Variants in ENTREP2 observed in about 807,000 individuals in gnomAD.
ENTREP2 encodes the protein protein ENTREP2.
chr15:29,639,361 T>C, the ENTREP2 span, among the ~76,000 whole-genome samples: 7,135 of 152,282 alleles, frequency 0.047, 513 homozygotes, highest in African/African-American at 0.16. Context: ...TCTCTGTTTC[T>C]TGTCCTAAAA....
chr15:29,403,938 C>T, the ENTREP2 span, among the ~76,000 whole-genome samples: 7 of 152,192 alleles, frequency 4.6e-5, no homozygotes, highest in African/African-American at 7.2e-5. Context: ...CCTGGCTGGC[C>T]GCTGCAGGGC....
chr15:29,408,222 C>T, the ENTREP2 span, among the ~76,000 whole-genome samples: 1 of 152,104 alleles, frequency 6.6e-6, no homozygotes, highest in Admixed American at 6.6e-5. Context: ...CTGTTCTAGG[C>T]ACAGGGGATC....
chr15:29,165,223 G>A, the ENTREP2 span, among the ~76,000 whole-genome samples: 1 of 152,080 alleles, frequency 6.6e-6, no homozygotes, highest in Non-Finnish European at 1.5e-5. Context: ...CAAAAAGACT[G>A]AAAGGGCACA....
chr15:29,401,276 A>C, the ENTREP2 span, among the ~76,000 whole-genome samples: 1 of 152,248 alleles, frequency 6.6e-6, no homozygotes, highest in Non-Finnish European at 1.5e-5. Context: ...ATAATACATA[A>C]ACAGACAAAA....
At chr15:29,620,075 A>G in the ENTREP2 span, among the ~76,000 whole-genome samples, 1,549 of 152,196 alleles carry the variant, frequency 0.01, 45 homozygotes, top group African/African-American at 0.036. Flanking sequence ...ATCTCATGCA[A>G]ATGTGGGAAC....
At chr15:29,138,669 G>A in the ENTREP2 span, among the ~76,000 whole-genome samples, 2 of 148,058 alleles carry the variant, frequency 1.4e-5, no homozygotes, top group African/African-American at 2.6e-5. Flanking sequence ...GTAGATGTGT[G>A]TGTCTCTGTG....
chr15:29,292,364 C>CTTCT, the ENTREP2 span, among the ~76,000 whole-genome samples: 30 of 145,562 alleles, frequency 2.1e-4, no homozygotes, highest in Non-Finnish European at 4.5e-5. Context: ...TCCTTCCTTC[C>CTTCT]TTCTTTCTTT....
At chr15:29,472,537 T>TCACTGCAACCTCCGCCTCCTGGGTTCAA in the ENTREP2 span, among the ~76,000 whole-genome samples, 1 of 151,288 alleles carries the variant, frequency 6.6e-6, no homozygotes, top group African/African-American at 2.4e-5. Context: ...CAATCTCGGC[T>TCACTGCAACCTCCGCCTCCTGGGTTCAA]CACTGCAACC....
the ENTREP2 span, among the ~76,000 whole-genome samples, chr15:29,221,008 G>C: frequency 6.6e-6 from 1 of 152,128 alleles, no homozygotes; most frequent in South Asian, 2.1e-4. Context: ...AAGAGGGAGA[G>C]AGAGACAGGA....
chr15:29,234,619 G>A, the ENTREP2 span: 7 of 1,551,212 alleles, frequency 4.5e-6, no homozygotes, highest in Non-Finnish European at 6.2e-6. Flanking sequence ...AGCTAGTTTT[G>A]ATGCGTGTAT....
the ENTREP2 span, among the ~76,000 whole-genome samples, chr15:29,133,483 TC>T: frequency 6.6e-6 from 1 of 152,058 alleles, no homozygotes; most frequent in African/African-American, 2.4e-5. Context: ...TGCCGTCCAC[TC>T]CTTTACCTGG....
chr15:29,159,591 C>T, the ENTREP2 span, among the ~76,000 whole-genome samples: 1 of 152,044 alleles, frequency 6.6e-6, no homozygotes, highest in Non-Finnish European at 1.5e-5. Context: ...CTGATTGGTG[C>T]GTTTATAATT....
the ENTREP2 span, among the ~76,000 whole-genome samples, chr15:29,451,316 C>T: frequency 6.6e-6 from 1 of 152,126 alleles, no homozygotes; most frequent in Non-Finnish European, 1.5e-5. Context: ...CTGTTAGGTA[C>T]CCTGGACTTC....
chr15:29,453,913 C>A, the ENTREP2 span, among the ~76,000 whole-genome samples: 1 of 152,162 alleles, frequency 6.6e-6, no homozygotes, highest in African/African-American at 2.4e-5. Flanking sequence ...AAGCTGCATC[C>A]AATTTTCAAC....
the ENTREP2 span, among the ~76,000 whole-genome samples, chr15:29,577,323 T>TGTGTGTGTGC: frequency 9.6e-6 from 1 of 104,266 alleles, no homozygotes. Context: ...GGTGTGTGTG[T>TGTGTGTGTGC]GTGTGTGTGT....
the ENTREP2 span, among the ~76,000 whole-genome samples, chr15:29,649,554 C>T: frequency 3.3e-5 from 5 of 151,640 alleles, no homozygotes; most frequent in African/African-American, 1.2e-4. Flanking sequence ...AACCCTGTCT[C>T]TACTAAAAAT....
the ENTREP2 span, among the ~76,000 whole-genome samples, chr15:29,317,126 T>C: frequency 6.6e-5 from 10 of 152,170 alleles, no homozygotes; most frequent in Admixed American, 2.0e-4. Flanking sequence ...TTACACAAAA[T>C]AGCAATACTA....
At chr15:29,364,155 T>C in the ENTREP2 span, among the ~76,000 whole-genome samples, 2 of 152,228 alleles carry the variant, frequency 1.3e-5, no homozygotes, top group Non-Finnish European at 2.9e-5. Flanking sequence ...AAACGTATTT[T>C]ACTACGTCTT....
chr15:29,594,792 CT>C, the ENTREP2 span, among the ~76,000 whole-genome samples: 1 of 152,004 alleles, frequency 6.6e-6, no homozygotes, highest in East Asian at 1.9e-4. Context: ...GTGAAGCCCC[CT>C]CTCTACTAAA....
Sources: gnomAD v4.1 joint callset for allele counts (sites outside exome capture counted in the v4.1 genomes callset) on GRCh38, gnomAD v4.1.1 for gene constraint, MANE v1.5 for transcripts, NCBI Gene and HGNC (gene_info 2026-07-23, HGNC 2026-07-21) for gene names.